The following SYCP1 variants were observed in gnomAD, a reference collection of about 807,000 sequenced individuals.
The protein encoded by SYCP1 is synaptonemal complex protein 1.
In SYCP1, 64 loss-of-function variants were observed where a neutral mutation model predicts 153.1. The ratio of observed to expected loss-of-function variants is 0.42; its 90% confidence interval spans 0.34 to 0.51. The LOEUF (loss-of-function observed/expected upper bound fraction) is 0.51. SYCP1 is among the 20% of genes least tolerant of loss of function. The pLI is 0.06. For missense variants in SYCP1, 997 were observed against 1,049.0 expected (o/e 0.95, Z 0.68); for synonymous variants, 384 against 341.8 (o/e 1.12, Z -1.36).
At chr1:114,886,085 T>C in intron 13 of SYCP1, 40 bp from the exon 14 acceptor site, 1 of 1,449,258 alleles carries the variant, frequency 6.9e-7, no homozygotes. Context: ...GGTTAAGGCC[T>C]TTGGATCATT....
chr1:114,937,490 G>A (rs1670100663), intron 23 of SYCP1, among the ~76,000 whole-genome samples: 1 of 152,152 alleles, frequency 6.6e-6, no homozygotes, highest in South Asian at 2.1e-4. Flanking sequence ...CATGGGCAAG[G>A]ACTTCATGAC....
Position 114,947,506 on chromosome 1 carries a change from G to A in SYCP1, c.2322+186G>A, listed in dbSNP as rs117125080. ...TTCCTAATGTAAATGCAAAACACAC[G>A]TAAATATAAGTGTACTTTTAAGAAA... On this transcript the variant is annotated intron_variant, in intron 27 of 31. Coordinates refer to ENST00000369522, the MANE Select transcript of SYCP1 (RefSeq NM_003176.4). Among the ~76,000 whole-genome samples the A allele has an allele frequency of 2.7e-3, 407 of 152,072 alleles. 1 individual carries two copies. Among genetic ancestry groups the A allele is most frequent in the African/African-American group, 9.0e-3 (374 of 41,498 alleles).
At chr1:114,922,427 G>T (rs1345496076) in intron 20 of SYCP1, among the ~76,000 whole-genome samples, 1 of 152,132 alleles carries the variant, frequency 6.6e-6, no homozygotes, top group African/African-American at 2.4e-5. Context: ...GATGGCATCT[G>T]CTCAGCTTCT....
chr1:114,863,382 T>A (rs754074748), intron 8 of SYCP1, among the ~76,000 whole-genome samples: 3 of 151,992 alleles, frequency 2.0e-5, no homozygotes, highest in Non-Finnish European at 2.9e-5. Flanking sequence ...TGAAACCCCA[T>A]CTCTACTAAA....
intron 8 of SYCP1, 74 bp from the exon 9 acceptor site, chr1:114,874,431 TG>T: frequency 2.4e-6 from 2 of 841,832 alleles, no homozygotes; most frequent in Non-Finnish European, 3.9e-6. Flanking sequence ...TAATGTTTTC[TG>T]GAGGCATTTT....
rs549325079 is a variant in SYCP1, at chr1:114,936,226, T to C, written c.1927-8113T>C. Among the ~76,000 whole-genome samples the C allele has an allele frequency of 4.5e-4, 68 of 152,310 alleles. 3 individuals are homozygous for C. The highest frequency in any genetic ancestry group is 3.4e-4 in the Non-Finnish European group (23 of 68,032). ...ACCACAATCAAGTTGGCTTCATCCC[T>C]GGGATGCAAGGCTGATTCAACATAC... On this transcript the variant is annotated intron_variant, in intron 23 of 31. Transcript: ENST00000369522.
chr1:114,856,310 CTAT>C (rs1663936925), intron 2 of SYCP1, among the ~76,000 whole-genome samples: 1 of 152,030 alleles, frequency 6.6e-6, no homozygotes. Flanking sequence ...GTTAGATTTA[CTAT>C]TATTCTCGAA....
Position 114,899,883 on chromosome 1 carries a change from C to A in SYCP1, c.1320+4374C>A, listed in dbSNP as rs370469808. 7.2e-5 allele frequency among the ~76,000 whole-genome samples: 11 copies of A among 152,288 alleles called. No individual in the cohort carries two copies. In the East Asian group the frequency reaches 2.1e-3, roughly 29 times the overall value. On this transcript the variant is annotated intron_variant, in intron 16 of 31. Transcript: ENST00000369522. ...CTGAAGCATCGGAAAAGCCTGGCGT[C>A]AGGAAAGGCAATTTTGAAACTGAAG...
intron 30 of SYCP1, among the ~76,000 whole-genome samples, chr1:114,992,327 C>T (rs529318087): frequency 3.3e-5 from 5 of 151,460 alleles, no homozygotes; most frequent in Non-Finnish European, 5.9e-5. Context: ...GCAAAGGGCC[C>T]CAAAAGGCTA....
intron 21 of SYCP1, among the ~76,000 whole-genome samples, chr1:114,925,196 A>G (rs1428254230): frequency 6.6e-6 from 1 of 152,124 alleles, no homozygotes; most frequent in African/African-American, 2.4e-5. Flanking sequence ...TTCAACCTGA[A>G]AAAAATGAAC....
At chr1:114,958,455 C>T (rs1248870011) in intron 27 of SYCP1, among the ~76,000 whole-genome samples, 1 of 151,924 alleles carries the variant, frequency 6.6e-6, no homozygotes, top group East Asian at 1.9e-4. Flanking sequence ...ATTCCCAACA[C>T]AAAGAAATGA....
intron 27 of SYCP1, among the ~76,000 whole-genome samples, chr1:114,955,264 A>G (rs1671363697): frequency 6.6e-6 from 1 of 152,186 alleles, no homozygotes; most frequent in Non-Finnish European, 1.5e-5. Context: ...TGACATATAC[A>G]TATGGAGAGT....
intron 8 of SYCP1, among the ~76,000 whole-genome samples, chr1:114,871,632 G>T (rs1293267173): frequency 6.6e-6 from 1 of 152,082 alleles, no homozygotes; most frequent in Non-Finnish European, 1.5e-5. Context: ...GAGTGCAGTG[G>T]CATGATCCTG....
chr1:114,943,279 C>G (rs1670500303), intron 23 of SYCP1, among the ~76,000 whole-genome samples: 1 of 151,860 alleles, frequency 6.6e-6, no homozygotes, highest in East Asian at 1.9e-4. Flanking sequence ...ACATTTGCAC[C>G]AGGAGGTGTT....
intron 27 of SYCP1, 68 bp downstream of exon 27, chr1:114,947,388 A>G: frequency 9.8e-7 from 1 of 1,018,534 alleles, no homozygotes; most frequent in South Asian, 1.5e-5. Flanking sequence ...TTTTAGAATT[A>G]TGTCATATTA....
intron 23 of SYCP1, among the ~76,000 whole-genome samples, chr1:114,943,777 T>A (rs568517772): frequency 1.0e-3 from 159 of 151,912 alleles, no homozygotes; most frequent in African/African-American, 3.5e-3. Context: ...CCAATTCCTG[T>A]CCCTGCCGTA....
chr1:114,934,471 A>T (rs150586064), intron 23 of SYCP1, among the ~76,000 whole-genome samples: 4,764 of 152,316 alleles, frequency 0.031, 123 homozygotes, highest in Non-Finnish European at 0.042. Context: ...AATTATAAAG[A>T]CCATCGATGC....
intron 12 of SYCP1, among the ~76,000 whole-genome samples, chr1:114,879,969 G>A (rs554994619): frequency 1.3e-5 from 2 of 152,112 alleles, no homozygotes; most frequent in South Asian, 4.1e-4. Context: ...CTGTGGTTAA[G>A]TTTTCTCCTC....
intron 12 of SYCP1, among the ~76,000 whole-genome samples, chr1:114,879,228 C>G (rs911127961): frequency 6.6e-6 from 1 of 152,124 alleles, no homozygotes; most frequent in Non-Finnish European, 1.5e-5. Flanking sequence ...TTGTGAAACA[C>G]CATGCACCTT....
Sources: allele counts gnomAD v4.1 joint callset (sites outside exome capture counted in the v4.1 genomes callset), GRCh38; gene constraint gnomAD v4.1.1; transcripts MANE v1.5; gene names NCBI Gene and HGNC (gene_info 2026-07-23, HGNC 2026-07-21).